The following ACTR3C variants were observed in gnomAD, a reference collection of about 807,000 sequenced individuals.
ACTR3C encodes actin related protein 3C.
Under a neutral mutation model 26.3 loss-of-function variants are expected in ACTR3C, and 18 were observed. The ratio of observed to expected loss-of-function variants is 0.68; its 90% CI spans 0.47 to 1.01. ACTR3C has a LOEUF of 1.01. Among genes scored for constraint, ACTR3C ranks in the 50% least tolerant of loss-of-function variants. The pLI is 0.00. For missense variants in ACTR3C, 184 were observed against 250.7 expected (o/e 0.73, Z 1.80); for synonymous variants, 55 against 94.5 (o/e 0.58, Z 2.42).
rs1208390301 is a variant in ACTR3C at position 150,286,473 on chromosome 7, T to G, written c.365A>C (p.Lys122Thr). The G allele has an allele frequency of 6.2e-7, 1 of 1,612,316 alleles. No individual in the cohort carries two copies. Among genetic ancestry groups the G allele is most frequent in the Admixed American group, 1.7e-5 (1 of 59,954 alleles). The change falls in exon 5 of 8, where the codon AAG (lysine) becomes ACG (threonine). Residue 122 changes from lysine to threonine, a missense_variant. Coordinates refer to ENST00000683684, the MANE Select transcript of ACTR3C (RefSeq NM_001164458.2). The stretch of plus-strand genomic sequence containing the variant: ...GATACCCGTGTACTGTTTGATCCAC[T>G]TCTGGGGATCCACATCATACTTGGC... ...EFAKYDVDPQ[K>T]WIKQYTGINA... is the part of the protein sequence containing the mutation.
chr7:149,924,539 G>T, the ACTR3C span, among the ~76,000 whole-genome samples: 1 of 152,180 alleles, frequency 6.6e-6, no homozygotes, highest in Non-Finnish European at 1.5e-5. Context: ...GGAGGTAATG[G>T]CCTCTGCACT....
the ACTR3C span, among the ~76,000 whole-genome samples, chr7:150,136,621 G>A: frequency 6.6e-6 from 1 of 152,062 alleles, no homozygotes; most frequent in Non-Finnish European, 1.5e-5. Flanking sequence ...AGTGAGCTGA[G>A]ATCGCACCAC....
the ACTR3C span, among the ~76,000 whole-genome samples, chr7:150,221,575 T>C: frequency 6.6e-6 from 1 of 152,192 alleles, no homozygotes; most frequent in African/African-American, 2.4e-5. Flanking sequence ...ACCACATAAT[T>C]TGGTTTCTAT....
the ACTR3C span, among the ~76,000 whole-genome samples, chr7:150,071,818 A>C: frequency 1.3e-5 from 2 of 151,566 alleles, no homozygotes; most frequent in African/African-American, 4.8e-5. Flanking sequence ...GGCAGCACAC[A>C]GTGTCAGGGG....
chr7:150,137,841 A>T, the ACTR3C span, among the ~76,000 whole-genome samples: 7 of 152,216 alleles, frequency 4.6e-5, no homozygotes, highest in Non-Finnish European at 1.0e-4. Flanking sequence ...GGAAATGAGA[A>T]ATTTCATGTT....
At chr7:149,970,777 G>A in the ACTR3C span, among the ~76,000 whole-genome samples, 4 of 152,114 alleles carry the variant, frequency 2.6e-5, no homozygotes, top group South Asian at 8.3e-4. Context: ...AATGAATATT[G>A]AAGATGTTTG....
chr7:150,081,619 G>T, the ACTR3C span, among the ~76,000 whole-genome samples: 1 of 150,894 alleles, frequency 6.6e-6, no homozygotes, highest in South Asian at 2.1e-4. Context: ...CATGATGGAG[G>T]TTTAAATTAT....
chr7:149,962,867 C>A, the ACTR3C span, among the ~76,000 whole-genome samples: 1,306 of 152,254 alleles, frequency 8.6e-3, 19 homozygotes, highest in Admixed American at 0.011. Context: ...CCAAACTGCC[C>A]ATAGTGGGAG....
the ACTR3C span, among the ~76,000 whole-genome samples, chr7:149,976,182 A>G: frequency 6.6e-6 from 1 of 152,176 alleles, no homozygotes; most frequent in Non-Finnish European, 1.5e-5. Context: ...TAGTTCTTAT[A>G]AATCATGAAA....
chr7:150,211,932 T>C, the ACTR3C span, among the ~76,000 whole-genome samples: 1 of 146,774 alleles, frequency 6.8e-6, no homozygotes, highest in African/African-American at 2.7e-5. Flanking sequence ...GCACATTTTG[T>C]CAGATGTAAT....
chr7:150,139,320 C>T, the ACTR3C span, among the ~76,000 whole-genome samples: 8 of 151,986 alleles, frequency 5.3e-5, no homozygotes, highest in South Asian at 1.7e-3. Flanking sequence ...GCCCACTCTG[C>T]CTACGCAGAA....
chr7:150,043,047 A>T, the ACTR3C span, among the ~76,000 whole-genome samples: 2 of 151,008 alleles, frequency 1.3e-5, no homozygotes, highest in Middle Eastern at 3.4e-3. Context: ...CACAGTCTAC[A>T]AAACCCCACA....
chr7:150,284,621 T>G, intron 6 of ACTR3C, 132 bp downstream of exon 6: 3 of 771,442 alleles, frequency 3.9e-6, no homozygotes, highest in Non-Finnish European at 5.6e-6. Context: ...TTATATTGTC[T>G]TTAACAAATC....
chr7:150,138,129 G>T, the ACTR3C span, among the ~76,000 whole-genome samples: 71 of 152,306 alleles, frequency 4.7e-4, 1 homozygote, highest in African/African-American at 1.6e-3. Context: ...CCCAGCTCAC[G>T]TAAGGGGCTG....
At chr7:150,071,011 G>T in the ACTR3C span, among the ~76,000 whole-genome samples, 1 of 141,578 alleles carries the variant, frequency 7.1e-6, no homozygotes, top group Non-Finnish European at 1.5e-5. Context: ...AGCCAGGATG[G>T]TCTCGATCTC....
chr7:150,221,709 C>T, the ACTR3C span, among the ~76,000 whole-genome samples: 1 of 152,114 alleles, frequency 6.6e-6, no homozygotes. Flanking sequence ...AAGTACATCC[C>T]CTTGGCCGGG....
intron 4 of ACTR3C, 98 bp from the exon 5 acceptor site, chr7:150,286,638 T>C (rs1205234620): frequency 1.3e-6 from 2 of 1,530,406 alleles, no homozygotes; most frequent in Admixed American, 1.9e-5. Context: ...AAACACACCC[T>C]GGGATCAGAA....
the ACTR3C span, among the ~76,000 whole-genome samples, chr7:150,024,202 C>T: frequency 1.3e-5 from 2 of 151,728 alleles, no homozygotes; most frequent in East Asian, 3.9e-4. Flanking sequence ...TAAATTCTTT[C>T]TTTTGGGCAA....
chr7:149,946,003 G>C, the ACTR3C span, among the ~76,000 whole-genome samples: 2 of 152,188 alleles, frequency 1.3e-5, no homozygotes, highest in African/African-American at 4.8e-5. Context: ...AGAATGGGGA[G>C]GAAGAGCCTC....
Sources: allele counts gnomAD v4.1 joint callset (sites outside exome capture counted in the v4.1 genomes callset), GRCh38; gene constraint gnomAD v4.1.1; transcripts MANE v1.5; gene names NCBI Gene and HGNC (gene_info 2026-07-23, HGNC 2026-07-21).